The following DLC1 variants were observed in gnomAD, a reference collection of about 807,000 sequenced individuals.
The protein encoded by DLC1 is DLC1 Rho GTPase activating protein.
Under a neutral mutation model 140.3 loss-of-function variants are expected in DLC1, and 54 were observed. The ratio of observed to expected loss-of-function variants is 0.38; its 90% CI spans 0.31 to 0.48. DLC1 has a LOEUF of 0.48. DLC1 is among the 20% of genes least tolerant of loss of function. The pLI, the probability that DLC1 is intolerant of heterozygous loss-of-function variation, is 0.96. For missense variants in DLC1, 2,536 were observed against 1,907.0 expected, an observed-to-expected ratio of 1.33 and a Z score of -6.14; for synonymous variants, 986 against 728.1, an observed-to-expected ratio of 1.35 and a Z score of -5.70.
intron 2 of DLC1, among the ~76,000 whole-genome samples, chr8:13,475,367 G>C (rs1008142296): frequency 6.6e-6 from 1 of 151,992 alleles, no homozygotes; most frequent in Non-Finnish European, 1.5e-5. Context: ...GGTTCAAAAG[G>C]ACTTTAATCT....
chr8:13,253,406 G>A (rs1355033138), intron 5 of DLC1, among the ~76,000 whole-genome samples: 3 of 151,538 alleles, frequency 2.0e-5, no homozygotes. Flanking sequence ...GTAAGTGGTG[G>A]TTCTCCTCTA....
At chr8:13,142,869 G>C (rs1265283390) in intron 5 of DLC1, among the ~76,000 whole-genome samples, 2 of 152,158 alleles carry the variant, frequency 1.3e-5, no homozygotes, top group African/African-American at 4.8e-5. Context: ...GACCAACATG[G>C]AGAAACTCCA....
intron 5 of DLC1, among the ~76,000 whole-genome samples, chr8:13,146,291 C>T (rs1043249044): frequency 4.7e-5 from 7 of 150,156 alleles, no homozygotes; most frequent in Middle Eastern, 3.4e-3. Context: ...AAAAAAAATA[C>T]ACTGTAATAC....
intron 5 of DLC1, among the ~76,000 whole-genome samples, chr8:13,174,264 G>A (rs554475415): frequency 6.6e-6 from 1 of 152,280 alleles, no homozygotes; most frequent in South Asian, 2.1e-4. Context: ...CCAACCCACT[G>A]TCGATGAGCA....
intron 5 of DLC1, among the ~76,000 whole-genome samples, chr8:13,220,307 G>A (rs556647535): frequency 3.3e-5 from 5 of 152,232 alleles, no homozygotes; most frequent in Admixed American, 1.3e-4. Flanking sequence ...ATTTGAATCC[G>A]AATTTGAATT....
intron 6 of DLC1, among the ~76,000 whole-genome samples, chr8:13,115,130 A>C (rs2128950142): frequency 1.3e-5 from 2 of 152,318 alleles, no homozygotes; most frequent in Admixed American, 1.3e-4. Flanking sequence ...TGTAATACAC[A>C]ATGGTGTATT....
chr8:13,496,681 G>A (rs1356758488), intron 2 of DLC1, among the ~76,000 whole-genome samples: 1 of 150,886 alleles, frequency 6.6e-6, no homozygotes, highest in Non-Finnish European at 1.5e-5. Context: ...ACTATATTAT[G>A]AGCCTCTTTA....
At chr8:13,343,604 T>C (rs535087036) in intron 4 of DLC1, among the ~76,000 whole-genome samples, 206 of 152,262 alleles carry the variant, frequency 1.4e-3, no homozygotes, top group African/African-American at 4.7e-3. Context: ...CCCCATTTTG[T>C]CCATAAGAAA....
chr8:13,090,364 T>C lies in DLC1; in HGVS notation c.3962A>G (p.Tyr1321Cys). Residue 1321 changes from tyrosine to cysteine, a missense_variant, in exon 15 of 18, where the codon TAC becomes TGC. By Grantham distance (194) the Tyr-to-Cys change is radical. Transcript: ENST00000276297. ...GHLGNDDSAD[Y>C]QHFLQDCVDG... ...CACACAGTCCTGGAGGAAGTGTTGG[T>C]AGTCAGCTGAGTCATCATTACCCAG... 1 of 1,614,200 alleles carries C rather than the reference T, an allele frequency of 6.2e-7. No individual in the cohort carries two copies. The highest frequency in any genetic ancestry group is 1.1e-5 in the South Asian group (1 of 91,086).
At chr8:13,382,596 C>T (rs1836325410) in intron 4 of DLC1, among the ~76,000 whole-genome samples, 1 of 146,894 alleles carries the variant, frequency 6.8e-6, no homozygotes, top group African/African-American at 2.5e-5. Context: ...TTGTTGGATT[C>T]AAAAATAAAA....
intron 1 of DLC1, among the ~76,000 whole-genome samples, chr8:13,545,694 A>G (rs952463428): frequency 2.0e-5 from 3 of 152,112 alleles, no homozygotes; most frequent in African/African-American, 7.2e-5. Context: ...GAATCTGAAT[A>G]TTAGAATTCT....
At position 13,350,732 on chromosome 8, in the gene DLC1, A is replaced by AATAT. The variant is rs1834618039; in HGVS notation, c.1314+42820_1314+42821insATAT. 2.6e-5 allele frequency among the ~76,000 whole-genome samples: 4 copies of AATAT among 152,160 alleles called. No individual in the cohort carries two copies. In the South Asian group the frequency reaches 8.3e-4, roughly 32 times the overall value. ...CTCGATCTTAAAAAATAAATAAATA[A>AATAT]ATAAATATAAAGAGAAACACCAGAA... On this transcript the variant is annotated intron_variant, in intron 4 of 17. Transcript: ENST00000276297.
chr8:13,354,639 T>C (rs1301742051), intron 4 of DLC1, among the ~76,000 whole-genome samples: 1 of 152,086 alleles, frequency 6.6e-6, no homozygotes, highest in Non-Finnish European at 1.5e-5. Context: ...TTCAGCTATG[T>C]GCAAAAATGA....
chr8:13,163,953 C>T (rs1824910422), intron 5 of DLC1, among the ~76,000 whole-genome samples: 1 of 151,994 alleles, frequency 6.6e-6, no homozygotes, highest in Admixed American at 6.6e-5. Flanking sequence ...TTCAGTGAGC[C>T]ATGACTGCTA....
intron 5 of DLC1, among the ~76,000 whole-genome samples, chr8:13,212,347 T>C (rs1827987342): frequency 6.6e-6 from 1 of 151,918 alleles, no homozygotes; most frequent in Non-Finnish European, 1.5e-5. Context: ...ACACTGCTTT[T>C]GTTTTGTTTT....
chr8:13,488,190 G>A (rs559163415), intron 2 of DLC1, among the ~76,000 whole-genome samples: 80 of 152,248 alleles, frequency 5.3e-4, no homozygotes, highest in African/African-American at 1.8e-3. Context: ...AAAACATTCC[G>A]TACATGATTC....
intron 2 of DLC1, among the ~76,000 whole-genome samples, chr8:13,411,665 A>G (rs930776932): frequency 2.0e-5 from 3 of 152,176 alleles, no homozygotes; most frequent in African/African-American, 7.2e-5. Context: ...CTTCCACTCA[A>G]TTTTGCTGGA....
intron 12 of DLC1, 126 bp downstream of exon 12, chr8:13,094,633 T>A: frequency 8.3e-7 from 1 of 1,208,782 alleles, no homozygotes; most frequent in Non-Finnish European, 1.2e-6. Flanking sequence ...GCCACTGCAC[T>A]CCAGCCTGGA....
At chr8:13,288,355 C>G (rs1831614807) in intron 5 of DLC1, among the ~76,000 whole-genome samples, 1 of 152,170 alleles carries the variant, frequency 6.6e-6, no homozygotes, top group Admixed American at 6.5e-5. Context: ...ATTATAATCA[C>G]TCTTTGAGGG....
Sources: gnomAD v4.1 joint callset for allele counts (sites outside exome capture counted in the v4.1 genomes callset) on GRCh38, gnomAD v4.1.1 for gene constraint, MANE v1.5 for transcripts, NCBI Gene and HGNC (gene_info 2026-07-23, HGNC 2026-07-21) for gene names.